The following HECTD4 variants were observed in gnomAD, a reference collection of about 807,000 sequenced individuals.
The protein encoded by HECTD4 is HECT domain E3 ubiquitin protein ligase 4, also known as probable E3 ubiquitin-protein ligase HECTD4.
Under a neutral mutation model 471.5 loss-of-function variants are expected in HECTD4, and 114 were observed. The ratio of observed to expected loss-of-function variants is 0.24; its 90% CI spans 0.21 to 0.28. The LOEUF (loss-of-function observed/expected upper bound fraction) is 0.28. HECTD4 is among the 10% of genes least tolerant of loss of function. The pLI is 1.00. For missense variants in HECTD4, 3,866 were observed against 5,651.5 expected (o/e 0.68, Z 10.13); for synonymous variants, 2,012 against 2,256.0 (o/e 0.89, Z 3.07).
chr12:112,275,066 T>A, intron 9 of HECTD4, 106 bp from the exon 10 acceptor site: 2 of 664,308 alleles, frequency 3.0e-6, no homozygotes, highest in Non-Finnish European at 5.1e-6. Context: ...CCTTTTCTTG[T>A]TGTTGTGTAT....
chr12:112,269,612 G>A (rs1188564452), intron 13 of HECTD4, 92 bp downstream of exon 13: 3 of 1,350,094 alleles, frequency 2.2e-6, no homozygotes, highest in Non-Finnish European at 3.1e-6. Flanking sequence ...TGGGGTAAGA[G>A]GCATTTATAC....
intron 1 of HECTD4, among the ~76,000 whole-genome samples, chr12:112,356,268 A>G (rs2036336313): frequency 6.6e-6 from 1 of 152,216 alleles, no homozygotes; most frequent in Admixed American, 6.5e-5. Context: ...AATAAAGGGG[A>G]TATTGTAAAT....
intron 18 of HECTD4, among the ~76,000 whole-genome samples, chr12:112,260,285 T>C (rs1239946145): frequency 6.6e-6 from 1 of 152,212 alleles, no homozygotes; most frequent in Non-Finnish European, 1.5e-5. Context: ...ATGGATTATG[T>C]AAATTCCTTA....
intron 60 of HECTD4, among the ~76,000 whole-genome samples, chr12:112,189,018 C>G (rs182551462): frequency 1.4e-4 from 22 of 152,314 alleles, no homozygotes; most frequent in Non-Finnish European, 2.6e-4. Context: ...CTTACGTCCC[C>G]CCTATCCACT....
At chr12:112,232,676 TA>T (rs1489936541) in intron 38 of HECTD4, among the ~76,000 whole-genome samples, 1 of 152,200 alleles carries the variant, frequency 6.6e-6, no homozygotes, top group African/African-American at 2.4e-5. Context: ...GTTATTTTCT[TA>T]GCAACCTTTC....
intron 11 of HECTD4, 50 bp downstream of exon 11, chr12:112,273,605 T>G (rs768551138): frequency 7.0e-6 from 11 of 1,577,630 alleles, no homozygotes; most frequent in Non-Finnish European, 8.7e-6. Flanking sequence ...TGGTATTCTC[T>G]CATATTTCAG....
chr12:112,314,622 T>G, intron 2 of HECTD4, 76 bp from the exon 3 acceptor site: 2 of 836,294 alleles, frequency 2.4e-6, no homozygotes, highest in Middle Eastern at 4.7e-4. Context: ...GCTAATTTAA[T>G]TAACCACATG....
rs565254777 is a variant in HECTD4, at chr12:112,223,037, G to A, written c.6971-3548C>T. Among the ~76,000 whole-genome samples, 14 of 152,238 alleles carry A rather than the reference G, an allele frequency of 9.2e-5. No homozygotes were observed. The South Asian group carries it at 2.7e-3, about 29-fold the overall frequency. On this transcript the variant is annotated intron_variant, in intron 44 of 75. Transcript: ENST00000682272. ...AGGGATTGCTCAGTGTAGAAGCCAGGAAAGCTCAGGAGAAGGGTAGGTAAA... is the reference window on the plus strand; with the variant it reads ...AGGGATTGCTCAGTGTAGAAGCCAGAAAAGCTCAGGAGAAGGGTAGGTAAA...
In HECTD4 at chr12:112,243,840, T is replaced by C. The variant is rs1182701086; in HGVS notation, c.4649+34A>G. The stretch of plus-strand genomic sequence containing the variant: ...GTTTTGATGAATGCATTCAGCTGCA[T>C]GTGGGAACCCAACCCCGGCCATTAG... On this transcript the variant is annotated intron_variant, in intron 30 of 75. Coordinates refer to ENST00000682272, the MANE Select transcript of HECTD4 (RefSeq NM_001388303.1). This position sits in a 1 kb window ranked among gnomAD's most constrained non-coding sequence, Gnocchi z 6.6. 5.0e-6 allele frequency: 8 copies of C among 1,612,074 alleles called. No individual in the cohort carries two copies. In the South Asian group the frequency reaches 5.5e-5, roughly 11 times the overall value.
Position 112,167,957 on chromosome 12 carries a change from C to T in HECTD4, c.12209-40G>A, listed in dbSNP as rs765450102. The T allele has an allele frequency of 1.8e-5, 27 of 1,484,084 alleles. No individual in the cohort carries two copies. In the Admixed American group the frequency reaches 2.8e-4, roughly 16 times the overall value. The allele number at this position is 1,484,084 out of a possible 1,614,324, so 91.9% of individuals were successfully genotyped here. ...AGACACATGGGCACCTGGGGTGTCCCGGCGGGAGGCGACACCGTTCCCTCC... is the reference window on the plus strand; with the variant it reads ...AGACACATGGGCACCTGGGGTGTCCTGGCGGGAGGCGACACCGTTCCCTCC... On this transcript the variant is annotated intron_variant, in intron 70 of 75. Transcript: ENST00000682272.
At chr12:112,177,073 C>A (rs2031475915) in intron 64 of HECTD4, among the ~76,000 whole-genome samples, 1 of 152,180 alleles carries the variant, frequency 6.6e-6, no homozygotes, top group Admixed American at 6.5e-5. Context: ...ACTGCAAATG[C>A]CCCATAGCCA....
intron 1 of HECTD4, among the ~76,000 whole-genome samples, chr12:112,349,882 C>T (rs927767805): frequency 2.0e-5 from 3 of 152,122 alleles, no homozygotes; most frequent in Non-Finnish European, 1.5e-5. Flanking sequence ...ACTGGGAACA[C>T]ATTGAATAAT....
At chr12:112,308,696 G>A (rs1481801345) in intron 6 of HECTD4, 57 bp downstream of exon 6, 35 of 1,430,438 alleles carry the variant, frequency 2.4e-5, no homozygotes, top group Non-Finnish European at 3.2e-5. Flanking sequence ...GATGATATAG[G>A]AACTTTCTTT....
chr12:112,332,514 C>T (rs957602361), intron 1 of HECTD4, among the ~76,000 whole-genome samples: 1 of 136,728 alleles, frequency 7.3e-6, no homozygotes, highest in Non-Finnish European at 1.5e-5. Context: ...GCACTCCAGC[C>T]TGGGTGACAG....
intron 7 of HECTD4, among the ~76,000 whole-genome samples, chr12:112,291,131 TA>T (rs760526817): frequency 7.2e-5 from 11 of 152,114 alleles, no homozygotes; most frequent in Non-Finnish European, 1.6e-4. Context: ...TTCTTAATAC[TA>T]AAATATACAC....
intron 17 of HECTD4, among the ~76,000 whole-genome samples, chr12:112,263,720 T>C (rs929056979): frequency 1.4e-5 from 2 of 144,520 alleles, no homozygotes; most frequent in African/African-American, 5.0e-5. Context: ...TATATATATA[T>C]ATATACACAC....
chr12:112,330,073 T>G (rs1218329080), intron 1 of HECTD4, among the ~76,000 whole-genome samples: 1 of 152,034 alleles, frequency 6.6e-6, no homozygotes, highest in Non-Finnish European at 1.5e-5. Context: ...GGTCAGGAGA[T>G]CGAGACCAGC....
At chr12:112,306,582 A>G (rs2035275235) in intron 6 of HECTD4, among the ~76,000 whole-genome samples, 1 of 152,234 alleles carries the variant, frequency 6.6e-6, no homozygotes, top group Non-Finnish European at 1.5e-5. Flanking sequence ...AGTTTTAGAG[A>G]AGCAACACTT....
At chr12:112,237,790 T>C (rs1343646302) in intron 34 of HECTD4, among the ~76,000 whole-genome samples, 1 of 152,018 alleles carries the variant, frequency 6.6e-6, no homozygotes, top group Non-Finnish European at 1.5e-5. Flanking sequence ...GTTTTGCTCT[T>C]GTTGCCCAGG....
Sources: allele counts gnomAD v4.1 joint callset (sites outside exome capture counted in the v4.1 genomes callset), GRCh38; gene constraint gnomAD v4.1.1; non-coding constraint Gnocchi (gnomAD v3.1); transcripts MANE v1.5; gene names NCBI Gene and HGNC (gene_info 2026-07-23, HGNC 2026-07-21).